IPPK: variants seen among roughly 807,000 people sequenced by gnomAD.
The protein encoded by IPPK is inositol-pentakisphosphate 2-kinase.
In IPPK, 22 loss-of-function variants were observed where a neutral mutation model predicts 64.6. That is an observed-to-expected ratio of 0.34 (90% CI 0.24 to 0.49). The LOEUF is 0.49. Among genes scored for constraint, IPPK ranks in the 20% least tolerant of loss-of-function variants. The pLI, the probability that IPPK is intolerant of heterozygous loss-of-function variation, is 0.99. For missense variants in IPPK, 532 were observed against 630.7 expected, an observed-to-expected ratio of 0.84 and a Z score of 1.68; for synonymous variants, 262 against 247.2, an observed-to-expected ratio of 1.06 and a Z score of -0.56.
chr9:92,627,123 C>T (rs540775239), intron 11 of IPPK, among the ~76,000 whole-genome samples: 235 of 152,114 alleles, frequency 1.5e-3, no homozygotes, highest in Middle Eastern at 3.4e-3. Flanking sequence ...CTTAGATAAA[C>T]TGAACACTTC....
chr9:92,664,354 A>G (rs1007883629), intron 1 of IPPK, among the ~76,000 whole-genome samples: 2 of 152,212 alleles, frequency 1.3e-5, no homozygotes, highest in Admixed American at 6.5e-5. Context: ...GGAGGATGGG[A>G]GCCCAGTACT....
intron 1 of IPPK, among the ~76,000 whole-genome samples, chr9:92,667,987 C>T (rs1231092650): frequency 6.7e-6 from 1 of 150,354 alleles, no homozygotes; most frequent in Non-Finnish European, 1.5e-5. Flanking sequence ...AATAAACAAT[C>T]AACCTGGCGT....
At position 92,619,655 on chromosome 9, in the gene IPPK, CTG is replaced by C. The variant is rs1851561359; in HGVS notation, c.1171-92_1171-91del. On this transcript the variant is annotated intron_variant, in intron 11 of 12. Transcript: ENST00000287996. ...CCTTCCCAGTAGCCAAGTGTGGGAA[CTG>C]CTTCCTGCCTCAGAACCTGAGGGTG... 1.7e-6 allele frequency: 2 copies of C among 1,148,710 alleles called. 1 individual carries two copies. Among genetic ancestry groups the C allele is most frequent in the Admixed American group, 4.0e-5 (2 of 50,210 alleles). 71.2% of individuals were successfully genotyped at this position (1,148,710 alleles called of 1,614,324 possible).
chr9:92,638,340 T>A, intron 8 of IPPK, 60 bp from the exon 9 acceptor site: 1 of 1,559,104 alleles, frequency 6.4e-7, no homozygotes, highest in Non-Finnish European at 8.7e-7. Flanking sequence ...GGAAAAGAAC[T>A]CAGTCCCCAC....
chr9:92,628,641 T>C (rs916855905), intron 11 of IPPK, among the ~76,000 whole-genome samples: 2 of 152,160 alleles, frequency 1.3e-5, no homozygotes, highest in Non-Finnish European at 2.9e-5. Context: ...TTTGGGAGGC[T>C]GAGGCAGGCA....
intron 11 of IPPK, among the ~76,000 whole-genome samples, chr9:92,631,477 C>T (rs780826528): frequency 9.9e-5 from 15 of 152,214 alleles, no homozygotes; most frequent in Non-Finnish European, 1.6e-4. Context: ...CTGCCGTACC[C>T]GGCCCACAGG....
intron 11 of IPPK, among the ~76,000 whole-genome samples, chr9:92,627,925 T>C (rs943155345): frequency 2.6e-5 from 4 of 152,156 alleles, no homozygotes; most frequent in African/African-American, 9.7e-5. Flanking sequence ...TCACACATGA[T>C]CTTAAATAGA....
intron 1 of IPPK, among the ~76,000 whole-genome samples, chr9:92,668,420 G>A (rs1473345874): frequency 6.6e-6 from 1 of 152,200 alleles, no homozygotes; most frequent in Non-Finnish European, 1.5e-5. Context: ...AGAGGCAACT[G>A]CGTCAAAGCC....
chr9:92,657,841 GCCTC>G (rs1248015177), intron 2 of IPPK, among the ~76,000 whole-genome samples: 1 of 151,730 alleles, frequency 6.6e-6, no homozygotes, highest in African/African-American at 2.4e-5. Context: ...CCACCCCCCG[GCCTC>G]CCTTTCTATG....
intron 11 of IPPK, among the ~76,000 whole-genome samples, chr9:92,620,976 G>A (rs575631311): frequency 3.4e-4 from 52 of 152,346 alleles, no homozygotes; most frequent in African/African-American, 1.2e-3. Flanking sequence ...TAGAGGCTGG[G>A]ATGTCCAAGA....
intron 1 of IPPK, 84 bp from the exon 2 acceptor site, chr9:92,658,765 A>G: frequency 3.3e-6 from 4 of 1,213,208 alleles, no homozygotes; most frequent in Non-Finnish European, 4.9e-6. Context: ...TCCCATCCTC[A>G]GTGGACAAAG....
At chr9:92,656,618 G>T in intron 2 of IPPK, 67 bp from the exon 3 acceptor site, 1 of 1,095,608 alleles carries the variant, frequency 9.1e-7, no homozygotes, top group Non-Finnish European at 1.4e-6. Flanking sequence ...CTTGAGGGGA[G>T]AGGCAAAAAC....
At chr9:92,659,412 C>CA (rs1382299338) in intron 1 of IPPK, among the ~76,000 whole-genome samples, 1 of 152,290 alleles carries the variant, frequency 6.6e-6, no homozygotes, top group Admixed American at 6.5e-5. Context: ...GTGTCTACAT[C>CA]AAAAGGTCTG....
chr9:92,614,497 C>T lies in IPPK; in HGVS notation c.*1335G>A, dbSNP rs913602864. On this transcript the variant is annotated 3_prime_UTR_variant, in exon 13 of 13. Transcript: ENST00000287996. The stretch of plus-strand genomic sequence containing the variant: ...CCAGTTAGATAAGTATCTTTTTGCA[C>T]CTCTGAGAGTAGAATTAGAAGTAAA... 4 of 152,568 alleles carry T rather than the reference C, an allele frequency of 2.6e-5. No individual in the cohort carries two copies. Among genetic ancestry groups the T allele is most frequent in the African/African-American group, 9.7e-5 (4 of 41,438 alleles). 9.5% of individuals were successfully genotyped at this position (152,568 alleles called of 1,614,324 possible). A position where few individuals can be genotyped will look rare whatever the true frequency, so the allele number is the denominator to read the frequency against.
chr9:92,628,135 CAAAG>C (rs1381732447), intron 11 of IPPK, among the ~76,000 whole-genome samples: 2 of 152,090 alleles, frequency 1.3e-5, no homozygotes, highest in Non-Finnish European at 1.5e-5. Flanking sequence ...ATAAGTTTAA[CAAAG>C]AAGCATAAAA....
intron 11 of IPPK, 84 bp downstream of exon 11, chr9:92,634,302 A>G (rs1287356574): frequency 1.7e-5 from 15 of 893,060 alleles, no homozygotes; most frequent in African/African-American, 3.4e-5. Context: ...TAGGTAATGG[A>G]AAAAAAAATA....
At chr9:92,661,484 A>G (rs72756440) in intron 1 of IPPK, among the ~76,000 whole-genome samples, 6,035 of 152,252 alleles carry the variant, frequency 0.04, 183 homozygotes, top group South Asian at 0.11. Context: ...TGGGCAGAGA[A>G]GCCCAAAGTG....
intron 4 of IPPK, among the ~76,000 whole-genome samples, chr9:92,651,210 A>C (rs1395627361): frequency 1.3e-5 from 2 of 152,144 alleles, no homozygotes; most frequent in East Asian, 3.9e-4. Flanking sequence ...TCATTTTCCA[A>C]ATCAAATCAG....
At chr9:92,622,496 CTT>C (rs1023451009) in intron 11 of IPPK, among the ~76,000 whole-genome samples, 1 of 152,072 alleles carries the variant, frequency 6.6e-6, no homozygotes, top group Non-Finnish European at 1.5e-5. Flanking sequence ...TAATCAAACA[CTT>C]TTAAAGTAAG....
Sources: gnomAD v4.1 joint callset for allele counts (sites outside exome capture counted in the v4.1 genomes callset) on GRCh38, gnomAD v4.1.1 for gene constraint, MANE v1.5 for transcripts, NCBI Gene and HGNC (gene_info 2026-07-23, HGNC 2026-07-21) for gene names.